GOLGA8H: variants seen among roughly 807,000 people sequenced by gnomAD.
GOLGA8H encodes golgin A8 family member H.
In GOLGA8H, 47 loss-of-function variants were observed where a neutral mutation model predicts 82.7. The ratio of observed to expected loss-of-function variants is 0.57; its 90% CI spans 0.45 to 0.73. The LOEUF (loss-of-function observed/expected upper bound fraction) is 0.73. Ranked by LOEUF, GOLGA8H falls within the 30% of genes least tolerant of loss-of-function variation. The pLI, the probability that GOLGA8H is intolerant of heterozygous loss-of-function variation, is 0.00. For missense variants in GOLGA8H, 372 were observed against 661.0 expected (o/e 0.56, Z 4.79); for synonymous variants, 108 against 241.6 (o/e 0.45, Z 5.13).
intron 10 of GOLGA8H, 75 bp from the exon 11 acceptor site, chr15:30,610,227 G>A (rs981392955): frequency 8.4e-5 from 88 of 1,043,886 alleles, no homozygotes; most frequent in Non-Finnish European, 1.1e-4. Context: ...GGAGGTGGGG[G>A]CAGAGAGGGA....
intron 8 of GOLGA8H, among the ~76,000 whole-genome samples, chr15:30,609,163 C>T (rs1181822207): frequency 8.8e-6 from 1 of 113,872 alleles, no homozygotes; most frequent in East Asian, 2.1e-4. Flanking sequence ...TGATAATATA[C>T]ATAAAACATG....
intron 10 of GOLGA8H, 73 bp downstream of exon 10, chr15:30,610,179 A>G: frequency 4.4e-6 from 7 of 1,595,434 alleles, no homozygotes; most frequent in Non-Finnish European, 6.0e-6. Context: ...TAAAATGGGA[A>G]TAGTAGAGCC....
chr15:30,612,694 AAGAGG>A, intron 14 of GOLGA8H, 22 bp downstream of exon 14: 1 of 1,586,002 alleles, frequency 6.3e-7, no homozygotes, highest in Non-Finnish European at 8.6e-7. Flanking sequence ...CGCTCAGAGG[AAGAGG>A]AGAGAGCCCC....
intron 9 of GOLGA8H, 44 bp downstream of exon 9, chr15:30,609,936 G>T: frequency 6.3e-7 from 1 of 1,582,954 alleles, no homozygotes. Flanking sequence ...GATGACCCCA[G>T]GTGGCCAGGA....
At position 30,612,590 on chromosome 15, in the gene GOLGA8H, C is replaced by T. The variant is rs1000339122; in HGVS notation, c.1201-7C>T. On this transcript the variant is annotated splice_polypyrimidine_tract_variant and splice_region_variant and intron_variant, in intron 13 of 18. Coordinates refer to ENST00000566740, the MANE Select transcript of GOLGA8H (RefSeq NM_001282490.2). Reference sequence around the variant, plus strand: ...CCACCCCTTCTCACTCTGTCCTGGCCCCTTAGGAGCACCTGGAAGCTGCCA... The same window carrying T: ...CCACCCCTTCTCACTCTGTCCTGGCTCCTTAGGAGCACCTGGAAGCTGCCA... The T allele has an allele frequency of 1.3e-6, 2 of 1,596,544 alleles. No homozygotes were observed. The highest frequency in any genetic ancestry group is 1.1e-5 in the South Asian group (1 of 90,464).
At position 30,608,370 on chromosome 15, in the gene GOLGA8H, G is replaced by T. The variant is rs1272949592; in HGVS notation, c.388G>T (p.Val130Leu). Residue 130 changes from valine to leucine, a missense_variant, in exon 6 of 19, where the codon GTG becomes TTG. By Grantham distance (32) the Val-to-Leu change is conservative. Coordinates refer to ENST00000566740, the MANE Select transcript of GOLGA8H (RefSeq NM_001282490.2). Reference sequence around the variant, plus strand: ...CAACAAGAAACAGAAAGCCAAAAGGGTGCTAGAGGTGAGTGGAGGGTGTGC... The same window carrying T: ...CAACAAGAAACAGAAAGCCAAAAGGTTGCTAGAGGTGAGTGGAGGGTGTGC... ...ANNKKQKAKR[V>L]LEVQIQTLNI... 6 of 1,573,730 alleles carry T rather than the reference G, an allele frequency of 3.8e-6. No homozygotes were observed. Among genetic ancestry groups the T allele is most frequent in the Non-Finnish European group, 5.2e-6 (6 of 1,162,710 alleles).
chr15:30,614,983 T>C lies in GOLGA8H; in HGVS notation c.*422T>C, dbSNP rs1396320693. On this transcript the variant is annotated 3_prime_UTR_variant, in exon 19 of 19. Transcript: ENST00000566740. The stretch of plus-strand genomic sequence containing the variant: ...GACAAAATTTGCCTATGTTCTGCTG[T>C]TGTTTGATCTAATCTTAATCACAGT... Among the ~76,000 whole-genome samples, 1 of 151,858 alleles carries C rather than the reference T, an allele frequency of 6.6e-6. No homozygotes were observed. Among genetic ancestry groups the C allele is most frequent in the Non-Finnish European group, 1.5e-5 (1 of 67,942 alleles).
At position 30,616,271 on chromosome 15, in the gene GOLGA8H, G is replaced by T. The variant is rs1210609721; in HGVS notation, c.*1710G>T. ...AGGATGCAGGGAGATAGGTGTGTGT[G>T]CTCCCTGCGGTGGGGATTTCTAGTT... is the stretch of plus-strand genomic sequence containing the variant. On this transcript the variant is annotated 3_prime_UTR_variant, in exon 19 of 19. Coordinates refer to ENST00000566740, the MANE Select transcript of GOLGA8H (RefSeq NM_001282490.2). Among the ~76,000 whole-genome samples the T allele has an allele frequency of 6.7e-6, 1 of 148,668 alleles. No individual in the cohort carries two copies. The highest frequency in any genetic ancestry group is 1.5e-5 in the Non-Finnish European group (1 of 67,202).
intron 15 of GOLGA8H, 112 bp downstream of exon 15, chr15:30,613,307 T>A: frequency 1.5e-6 from 1 of 663,028 alleles, no homozygotes; most frequent in East Asian, 2.6e-5. Context: ...CCTCACCCCT[T>A]CCGAGAGCCA....
chr15:30,608,615 C>T (rs191483577), intron 7 of GOLGA8H, 32 bp from the exon 8 acceptor site: 2 of 1,602,726 alleles, frequency 1.2e-6, no homozygotes, highest in Admixed American at 3.3e-5. Flanking sequence ...AGGGGGAGTC[C>T]TTTGGGCCCC....
intron 14 of GOLGA8H, 150 bp from the exon 15 acceptor site, chr15:30,612,954 G>C (rs1595634980): frequency 1.7e-6 from 1 of 573,156 alleles, no homozygotes; most frequent in East Asian, 2.8e-5. Context: ...GCAAGATCTT[G>C]ATTCTTAAAA....
chr15:30,606,446 G>C (rs1208474405), intron 2 of GOLGA8H, among the ~76,000 whole-genome samples: 1 of 151,136 alleles, frequency 6.6e-6, no homozygotes, highest in East Asian at 2.0e-4. Context: ...AGACCTCATC[G>C]GGCCTCTCTT....
Position 30,615,957 on chromosome 15 carries a change from A to G in GOLGA8H, c.*1396A>G, listed in dbSNP as rs2060100310. 6.6e-6 allele frequency among the ~76,000 whole-genome samples: 1 copy of G among 151,494 alleles called. No individual in the cohort carries two copies. Among genetic ancestry groups the G allele is most frequent in the Non-Finnish European group, 1.5e-5 (1 of 67,860 alleles). On this transcript the variant is annotated 3_prime_UTR_variant, in exon 19 of 19. Coordinates refer to ENST00000566740, the MANE Select transcript of GOLGA8H (RefSeq NM_001282490.2). ...TTAAAATGTGTACAAACTGCAGTGC[A>G]ATCTACTGTTCGTGAATGTCAATGT...
At chr15:30,613,467 C>T (rs1186061797) in intron 15 of GOLGA8H, 1 of 111,784 alleles carries the variant, frequency 8.9e-6, no homozygotes, top group East Asian at 2.1e-4. Flanking sequence ...TTTTTCAAGT[C>T]CGCTGGAGCT....
rs1012909743 is a variant in GOLGA8H at position 30,615,503 on chromosome 15, A to G, written c.*942A>G. Reference sequence around the variant, plus strand: ...AGAGTTCATGTTACCTGTTTTAATCACATGACTACATGTCCCAGTACACAA... The same window carrying G: ...AGAGTTCATGTTACCTGTTTTAATCGCATGACTACATGTCCCAGTACACAA... On this transcript the variant is annotated 3_prime_UTR_variant, in exon 19 of 19. Coordinates refer to ENST00000566740, the MANE Select transcript of GOLGA8H (RefSeq NM_001282490.2). 6.6e-6 allele frequency among the ~76,000 whole-genome samples: 1 copy of G among 151,154 alleles called. No individual in the cohort carries two copies. Among genetic ancestry groups the G allele is most frequent in the African/African-American group, 2.4e-5 (1 of 41,052 alleles).
Position 30,614,172 on chromosome 15 carries a change from G to T in GOLGA8H, c.1594G>T (p.Gly532Cys). ...EGEAAGAAAD[G>C]IAAYSNYNNG... is the part of the protein sequence containing the mutation. ...TGAAGCTGCTGGAGCTGCAGCAGAT[G>T]GTATTGCGGCTTACAGCAACTACAA... The change falls in exon 18 of 19, where the codon GGT (glycine) becomes TGT (cysteine). Residue 532 changes from glycine to cysteine, a missense_variant. Physicochemically the swap from Gly to Cys is radical, Grantham distance 159. Transcript: ENST00000566740. The T allele has an allele frequency of 1.4e-6, 1 of 692,588 alleles. No homozygotes were observed. 42.9% of individuals were successfully genotyped at this position (692,588 alleles called of 1,614,324 possible).
Position 30,614,540 on chromosome 15 carries a change from G to C in GOLGA8H, c.1878G>C (p.Trp626Cys). ...GTGTGCCATTGTTGTGCTGGGCTTG[G>C]CTGCCAAGAAGAAGGAGATAAACAT... is the stretch of plus-strand genomic sequence containing the variant. The part of the protein sequence containing the change: ...NCCVPLLCWA[W>C]LPRRRR The change falls in exon 19 of 19, where the codon TGG becomes TGC. Residue 626 changes from tryptophan (W) to cysteine (C), a missense_variant. By Grantham distance (215) the Trp-to-Cys change is radical (BLOSUM62 -2). Transcript: ENST00000566740. The C allele has an allele frequency of 6.2e-7, 1 of 1,602,346 alleles. No homozygotes were observed. Among genetic ancestry groups the C allele is most frequent in the Non-Finnish European group, 8.5e-7 (1 of 1,179,522 alleles).
At chr15:30,605,678 A>G (rs1392884447) in intron 1 of GOLGA8H, among the ~76,000 whole-genome samples, 165 bp from the exon 2 acceptor site, 2 of 150,946 alleles carry the variant, frequency 1.3e-5, no homozygotes, top group Non-Finnish European at 2.9e-5. Flanking sequence ...TCTAGCCATG[A>G]TATCAATCCT....
rs1233000018 is a variant in GOLGA8H at position 30,617,352 on chromosome 15, C to G, written c.*2791C>G. On this transcript the variant is annotated 3_prime_UTR_variant, in exon 19 of 19. Transcript: ENST00000566740. The stretch of plus-strand genomic sequence containing the variant: ...TTCCAGAAATGAAAAAAAAAATCAG[C>G]TCTAAAACCAAAGCTGATTTTAGAA... 1.3e-5 allele frequency: 2 copies of G among 151,418 alleles called. No homozygotes were observed. The highest frequency in any genetic ancestry group is 3.0e-5 in the Non-Finnish European group (2 of 67,790). The allele number at this position is 151,418 out of a possible 1,614,324, so 9.4% of individuals were successfully genotyped here. A position where few individuals can be genotyped will look rare whatever the true frequency, so the allele number is the denominator to read the frequency against.
Sources: allele counts gnomAD v4.1 joint callset (sites outside exome capture counted in the v4.1 genomes callset), GRCh38; gene constraint gnomAD v4.1.1; transcripts MANE v1.5; gene names NCBI Gene and HGNC (gene_info 2026-07-23, HGNC 2026-07-21).